CREB5: variants seen among roughly 807,000 people sequenced by gnomAD.
The protein encoded by CREB5 is cAMP responsive element binding protein 5, also known as cyclic AMP-responsive element-binding protein 5.
Under a neutral mutation model 57.1 loss-of-function variants are expected in CREB5, and 19 were observed. That is an observed-to-expected ratio of 0.33 (90% CI 0.23 to 0.49). The LOEUF is 0.49. CREB5 is among the 20% of genes least tolerant of loss of function. The pLI is 0.99. For synonymous variants in CREB5, 238 were observed against 238.3 expected (o/e 1.00, Z 0.01); for missense variants, 579 against 671.6 (o/e 0.86, Z 1.52).
At chr7:28,632,763 C>G (rs1365588451) in intron 5 of CREB5, among the ~76,000 whole-genome samples, 1 of 152,180 alleles carries the variant, frequency 6.6e-6, no homozygotes, top group Non-Finnish European at 1.5e-5. Context: ...AGCCCCTGAT[C>G]TCAGTCACCC....
chr7:28,556,570 C>A (rs763876982), intron 4 of CREB5, among the ~76,000 whole-genome samples: 2 of 151,988 alleles, frequency 1.3e-5, no homozygotes, highest in African/African-American at 4.8e-5. Flanking sequence ...CTTAATTTTT[C>A]TTGTATAAAT....
At chr7:28,597,309 C>G (rs33998128) in intron 5 of CREB5, among the ~76,000 whole-genome samples, 2 of 152,030 alleles carry the variant, frequency 1.3e-5, no homozygotes, top group Non-Finnish European at 2.9e-5. Flanking sequence ...CTCTCAGGAG[C>G]GACACAAGAG....
At chr7:28,647,617 G>A (rs1427590726) in intron 5 of CREB5, among the ~76,000 whole-genome samples, 1 of 152,176 alleles carries the variant, frequency 6.6e-6, no homozygotes, top group Non-Finnish European at 1.5e-5. Flanking sequence ...TAAGAGCCAA[G>A]TTGGCCAGGA....
At chr7:28,576,393 T>C (rs1287846952) in intron 5 of CREB5, among the ~76,000 whole-genome samples, 2 of 152,238 alleles carry the variant, frequency 1.3e-5, no homozygotes, top group African/African-American at 4.8e-5. Context: ...GAAAAGTAAC[T>C]TGTCCAAAGT....
chr7:28,662,846 C>T (rs1799663530), intron 5 of CREB5, among the ~76,000 whole-genome samples: 1 of 152,028 alleles, frequency 6.6e-6, no homozygotes, highest in African/African-American at 2.4e-5. Context: ...ATAAGGGTGT[C>T]GGTATAGATG....
At chr7:28,652,674 T>G (rs1489586477) in intron 5 of CREB5, among the ~76,000 whole-genome samples, 2 of 152,234 alleles carry the variant, frequency 1.3e-5, no homozygotes, top group African/African-American at 4.8e-5. Flanking sequence ...GCAAAATGCC[T>G]TGTGCACAGA....
intron 4 of CREB5, among the ~76,000 whole-genome samples, chr7:28,547,157 G>T (rs747603183): frequency 2.6e-5 from 4 of 152,164 alleles, no homozygotes; most frequent in African/African-American, 4.8e-5. Flanking sequence ...CACCATTCTT[G>T]TATCGACCTG....
chr7:28,697,127 A>G (rs1214436813), intron 5 of CREB5, among the ~76,000 whole-genome samples: 1 of 152,162 alleles, frequency 6.6e-6, no homozygotes, highest in Admixed American at 6.5e-5. Context: ...TTTACTGCGT[A>G]TAACATTATT....
chr7:28,448,677 G>C (rs917233928), intron 1 of CREB5, among the ~76,000 whole-genome samples: 1 of 152,216 alleles, frequency 6.6e-6, no homozygotes, highest in African/African-American at 2.4e-5. Context: ...AACATGTAAG[G>C]CCTGAATATT....
At chr7:28,348,027 G>T (rs1583697314) in intron 1 of CREB5, among the ~76,000 whole-genome samples, 2 of 152,142 alleles carry the variant, frequency 1.3e-5, no homozygotes, top group African/African-American at 2.4e-5. Flanking sequence ...AGGGAGAGAG[G>T]GTTCCCAGGT....
At chr7:28,488,479 G>T (rs1053505730) in intron 2 of CREB5, among the ~76,000 whole-genome samples, 6 of 152,164 alleles carry the variant, frequency 3.9e-5, no homozygotes, top group Non-Finnish European at 8.8e-5. Context: ...GCAGTGTTAG[G>T]CATTTCTGCC....
chr7:28,439,564 A>G (rs1789099821), intron 1 of CREB5, among the ~76,000 whole-genome samples: 1 of 152,140 alleles, frequency 6.6e-6, no homozygotes, highest in East Asian at 1.9e-4. Context: ...TTTGCAGAGG[A>G]GGAACCTGGC....
At chr7:28,445,677 G>A (rs373070537) in intron 1 of CREB5, among the ~76,000 whole-genome samples, 10 of 151,718 alleles carry the variant, frequency 6.6e-5, no homozygotes, top group Middle Eastern at 3.4e-3. Flanking sequence ...TCAGCCTCCC[G>A]AGTAGCTGGG....
chr7:28,635,408 A>G (rs999711757), intron 5 of CREB5, among the ~76,000 whole-genome samples: 4 of 152,202 alleles, frequency 2.6e-5, no homozygotes, highest in African/African-American at 9.6e-5. Flanking sequence ...AGTGGTAATG[A>G]TCCTGGAAAT....
chr7:28,372,311 T>C (rs899902339), intron 1 of CREB5, among the ~76,000 whole-genome samples: 1 of 152,198 alleles, frequency 6.6e-6, no homozygotes, highest in African/African-American at 2.4e-5. Flanking sequence ...TTTCCTGAAT[T>C]TGGGGAGGGT....
chr7:28,465,380 A>G (rs1245296576), intron 1 of CREB5, among the ~76,000 whole-genome samples: 1 of 152,228 alleles, frequency 6.6e-6, no homozygotes, highest in African/African-American at 2.4e-5. Flanking sequence ...CCTGAGACCT[A>G]TTCTTTGGAA....
intron 1 of CREB5, among the ~76,000 whole-genome samples, chr7:28,421,974 A>G (rs1788286174): frequency 6.6e-6 from 1 of 151,466 alleles, no homozygotes; most frequent in African/African-American, 2.4e-5. Flanking sequence ...AAAGTCAGGC[A>G]AGAAGCCTTG....
At chr7:28,752,975 T>A (rs1417160361) in intron 7 of CREB5, among the ~76,000 whole-genome samples, 2 of 151,842 alleles carry the variant, frequency 1.3e-5, no homozygotes, top group Non-Finnish European at 2.9e-5. Context: ...TCAGAGATAA[T>A]ATTCTATAAC....
At chr7:28,649,860 A>C (rs1289297625) in intron 5 of CREB5, among the ~76,000 whole-genome samples, 1 of 152,224 alleles carries the variant, frequency 6.6e-6, no homozygotes, top group African/African-American at 2.4e-5. Flanking sequence ...TCAGGATTAT[A>C]ATACTTTCAT....
Sources: allele counts gnomAD v4.1 joint callset (sites outside exome capture counted in the v4.1 genomes callset), GRCh38; gene constraint gnomAD v4.1.1; transcripts MANE v1.5; gene names NCBI Gene and HGNC (gene_info 2026-07-23, HGNC 2026-07-21).